AKAP6: variants seen among roughly 807,000 people sequenced by gnomAD.
AKAP6 encodes the protein A-kinase anchoring protein 6, also known as A-kinase anchor protein 6.
In AKAP6, 58 loss-of-function variants were observed where a neutral mutation model predicts 188.5. That is an observed-to-expected ratio of 0.31 (90% CI 0.25 to 0.38). AKAP6 has a LOEUF of 0.38. Ranked by LOEUF, AKAP6 falls within the 10% of genes least tolerant of loss-of-function variation. AKAP6 has a pLI of 1.00. For synonymous variants in AKAP6, 989 were observed against 998.6 expected, an observed-to-expected ratio of 0.99 and a Z score of 0.18; for missense variants, 2,710 against 2,740.0, an observed-to-expected ratio of 0.99 and a Z score of 0.24.
chr14:32,637,552 T>C (rs1887553867), intron 7 of AKAP6, among the ~76,000 whole-genome samples: 1 of 152,074 alleles, frequency 6.6e-6, no homozygotes, highest in African/African-American at 2.4e-5. Context: ...TATAAGACTA[T>C]GTGCAATCAA....
chr14:32,704,544 G>GC (rs1375493158), intron 9 of AKAP6, among the ~76,000 whole-genome samples: 1 of 152,094 alleles, frequency 6.6e-6, no homozygotes, highest in Non-Finnish European at 1.5e-5. Context: ...CTACTTTTTA[G>GC]TATGTCCTGT....
chr14:32,804,571 T>C (rs1272878177), intron 12 of AKAP6, among the ~76,000 whole-genome samples: 1 of 152,192 alleles, frequency 6.6e-6, no homozygotes, highest in East Asian at 1.9e-4. Context: ...ACAGAACTAC[T>C]GATAAGGGTC....
chr14:32,822,159 A>C lies in AKAP6; in HGVS notation c.4346A>C (p.His1449Pro), dbSNP rs1405841871. 2 of 1,613,926 alleles carry C rather than the reference A, an allele frequency of 1.2e-6. No individual in the cohort carries two copies. Among genetic ancestry groups the C allele is most frequent in the African/African-American group, 1.3e-5 (1 of 75,028 alleles). ...GGAGATTTAAACAGTATTACCAAAC[A>C]TACCCCTGACTGTTTGGGAGAAGAA... is the stretch of plus-strand genomic sequence containing the variant. ...KVGDLNSITK[H>P]TPDCLGEELQ... The change falls in exon 13 of 14, where the codon CAT becomes CCT. Residue 1449 changes from histidine (H) to proline (P), a missense_variant. Coordinates refer to ENST00000280979, the MANE Select transcript of AKAP6 (RefSeq NM_004274.5).
At chr14:32,469,858 T>C (rs1419562981) in intron 2 of AKAP6, among the ~76,000 whole-genome samples, 1 of 152,192 alleles carries the variant, frequency 6.6e-6, no homozygotes, top group Non-Finnish European at 1.5e-5. Context: ...AGATCAGAAC[T>C]GATGCTTGAC....
intron 3 of AKAP6, among the ~76,000 whole-genome samples, chr14:32,538,338 C>T (rs1290269378): frequency 1.3e-5 from 2 of 151,646 alleles, no homozygotes; most frequent in Non-Finnish European, 2.9e-5. Flanking sequence ...AATAAAAAAA[C>T]ACCCAAATTT....
At chr14:32,389,069 T>A (rs1475694486) in intron 1 of AKAP6, among the ~76,000 whole-genome samples, 1 of 151,574 alleles carries the variant, frequency 6.6e-6, no homozygotes, top group Non-Finnish European at 1.5e-5. Context: ...AATTGTGATA[T>A]CAAGGCCTTT....
chr14:32,633,550 G>A (rs1028615142), intron 7 of AKAP6, among the ~76,000 whole-genome samples: 1 of 152,062 alleles, frequency 6.6e-6, no homozygotes, highest in Non-Finnish European at 1.5e-5. Flanking sequence ...TTGGACAATG[G>A]TAAGTGAGCA....
At chr14:32,778,711 ATT>A (rs61493362) in intron 12 of AKAP6, among the ~76,000 whole-genome samples, 2 of 135,918 alleles carry the variant, frequency 1.5e-5, no homozygotes, top group East Asian at 2.2e-4. Flanking sequence ...ATACCCAGCA[ATT>A]TTTTTTTTTT....
At chr14:32,489,492 C>T (rs1437365347) in intron 2 of AKAP6, among the ~76,000 whole-genome samples, 1 of 152,134 alleles carries the variant, frequency 6.6e-6, no homozygotes, top group African/African-American at 2.4e-5. Flanking sequence ...TACAGGCATG[C>T]ACCACCATGC....
chr14:32,657,420 C>T (rs149220197), intron 7 of AKAP6, among the ~76,000 whole-genome samples: 17 of 152,232 alleles, frequency 1.1e-4, no homozygotes, highest in Non-Finnish European at 2.2e-4. Flanking sequence ...TCTGTGAGTG[C>T]TGCTCCCTAG....
At chr14:32,657,454 C>T (rs989778769) in intron 7 of AKAP6, among the ~76,000 whole-genome samples, 1 of 152,272 alleles carries the variant, frequency 6.6e-6, no homozygotes, top group South Asian at 2.1e-4. Flanking sequence ...ATTACACCAA[C>T]ATTTACCACA....
chr14:32,362,263 C>T (rs1403693340), intron 1 of AKAP6, among the ~76,000 whole-genome samples: 1 of 152,140 alleles, frequency 6.6e-6, no homozygotes, highest in Non-Finnish European at 1.5e-5. Flanking sequence ...TAAGAACCTC[C>T]TATATGTCAG....
At chr14:32,673,437 A>G (rs1889302476) in intron 7 of AKAP6, among the ~76,000 whole-genome samples, 1 of 152,192 alleles carries the variant, frequency 6.6e-6, no homozygotes, top group South Asian at 2.1e-4. Context: ...CATATGAGTA[A>G]TAAATGGATG....
intron 1 of AKAP6, among the ~76,000 whole-genome samples, chr14:32,332,073 G>C (rs953203511): frequency 6.6e-6 from 1 of 151,976 alleles, no homozygotes; most frequent in Non-Finnish European, 1.5e-5. Flanking sequence ...TTATGAAGTA[G>C]AGAGTAATAA....
At chr14:32,543,787 T>C (rs1007500847) in intron 3 of AKAP6, among the ~76,000 whole-genome samples, 11 of 152,186 alleles carry the variant, frequency 7.2e-5, no homozygotes, top group African/African-American at 2.4e-4. Context: ...ACAGCCTCTA[T>C]CCAGGGCCGG....
chr14:32,801,230 C>A (rs2033940083), intron 12 of AKAP6, among the ~76,000 whole-genome samples: 2 of 151,822 alleles, frequency 1.3e-5, no homozygotes, highest in South Asian at 4.2e-4. Context: ...TCTTTTTCTG[C>A]TTTTTTTATT....
Position 32,452,011 on chromosome 14 carries a change from A to ATT in AKAP6, c.324+18221_324+18222dup, listed in dbSNP as rs61035125. On this transcript the variant is annotated intron_variant, in intron 2 of 13. Coordinates refer to ENST00000280979, the MANE Select transcript of AKAP6 (RefSeq NM_004274.5). Reference sequence around the variant, plus strand: ...TTCTTTTTCTTTTTCTTTTCTTTACATTTTTTTTTTTTTTTTTTTTTTTTT... The same window carrying ATT: ...TTCTTTTTCTTTTTCTTTTCTTTACATTTTTTTTTTTTTTTTTTTTTTTTTTT... Among the ~76,000 whole-genome samples, 527 of 66,204 alleles carry ATT rather than the reference A, an allele frequency of 8.0e-3. 33 individuals carry two copies. The highest frequency in any genetic ancestry group is 9.3e-3 in the African/African-American group (128 of 13,710). 43.4% of individuals were successfully genotyped at this position (66,204 alleles called of 152,430 possible).
At chr14:32,785,453 A>G (rs930716636) in intron 12 of AKAP6, among the ~76,000 whole-genome samples, 1 of 152,198 alleles carries the variant, frequency 6.6e-6, no homozygotes, top group Non-Finnish European at 1.5e-5. Context: ...ACATCATCAT[A>G]TATGATCATT....
chr14:32,450,325 A>T (rs6571517), intron 2 of AKAP6, among the ~76,000 whole-genome samples: 98,928 of 147,654 alleles, frequency 0.67, 33,794 homozygotes, highest in African/African-American at 0.83. Flanking sequence ...TGTGTGTGTG[A>T]GAGAGAGAGA....
Sources: gnomAD v4.1 joint callset for allele counts (sites outside exome capture counted in the v4.1 genomes callset) on GRCh38, gnomAD v4.1.1 for gene constraint, MANE v1.5 for transcripts, NCBI Gene and HGNC (gene_info 2026-07-23, HGNC 2026-07-21) for gene names.